The following THAP4 variants were observed in gnomAD, a reference collection of about 807,000 sequenced individuals.
THAP4 encodes peroxynitrite isomerase THAP4.
Under a neutral mutation model 48.1 loss-of-function variants are expected in THAP4, and 18 were observed. The ratio of observed to expected loss-of-function variants is 0.37; its 90% confidence interval spans 0.26 to 0.56. The LOEUF is 0.56. THAP4 is among the 20% of genes least tolerant of loss of function. The pLI is 0.78. For synonymous variants in THAP4, 345 were observed against 324.9 expected (o/e 1.06, Z -0.66); for missense variants, 656 against 774.9 (o/e 0.85, Z 1.82).
chr2:241,597,299 A>C (rs1192396102), intron 5 of THAP4, among the ~76,000 whole-genome samples: 2 of 152,176 alleles, frequency 1.3e-5, no homozygotes, highest in African/African-American at 4.8e-5. Context: ...ACGCCTGGCT[A>C]ATTTTTGTAT....
In THAP4 at chr2:241,633,636, G is replaced by A. The variant is rs953831124; in HGVS notation, c.521C>T (p.Thr174Ile). ...CATGGTGGCCAGTCCATCTCCTGGA[G>A]TCCGTTCCAGAGCTTGCTGGGCCTG... ...QEQAQQALER[T>I]PGDGLATMVA... The change falls in exon 2 of 6, where the codon ACT (threonine) becomes ATT (isoleucine). Residue 174 changes from threonine (T) to isoleucine (I), a missense_variant. Thr to Ile is a moderately conservative substitution (Grantham distance 89). This residue lies in a region of THAP4 where 391 missense variants were observed against 412.4 expected (regional missense o/e 0.95). Transcript: ENST00000407315. The surrounding 1 kb of genome is among the most constrained non-coding windows in gnomAD (Gnocchi z 7.5). 2 of 1,612,756 alleles carry A rather than the reference G, an allele frequency of 1.2e-6. No homozygotes were observed. Among genetic ancestry groups the A allele is most frequent in the Admixed American group, 1.7e-5 (1 of 60,002 alleles).
chr2:241,610,255 C>T lies in THAP4; in HGVS notation c.1241-3782G>A, dbSNP rs1159799039. ...AAGTCCTGCCTCTGCTCCCGGGCGGCCCCCTCCAGCCTCCGCCGGCCCCGC... is the reference window on the plus strand; with the variant it reads ...AAGTCCTGCCTCTGCTCCCGGGCGGTCCCCTCCAGCCTCCGCCGGCCCCGC... On this transcript the variant is annotated intron_variant, in intron 2 of 5. Transcript: ENST00000407315. The surrounding 1 kb of genome is among the most constrained non-coding windows in gnomAD (Gnocchi z 4.2). Among the ~76,000 whole-genome samples, 1 of 152,196 alleles carries T rather than the reference C, an allele frequency of 6.6e-6. No individual in the cohort carries two copies. The highest frequency in any genetic ancestry group is 6.5e-5 in the Admixed American group (1 of 15,278).
upstream of THAP4, chr2:241,637,166 C>T (rs2067685738): frequency 2.0e-6 from 2 of 987,698 alleles, no homozygotes; most frequent in Non-Finnish European, 2.4e-6. Context: ...GATGGAGGCG[C>T]AGGCGCCCGC....
At chr2:241,637,550 C>A (rs1341051129), upstream of THAP4, 10 of 1,475,220 alleles carry the variant, frequency 6.8e-6, no homozygotes, top group Admixed American at 7.5e-5. Flanking sequence ...TCGGCCCGGC[C>A]GTACGCCAAA....
intron 3 of THAP4, among the ~76,000 whole-genome samples, chr2:241,604,933 A>C (rs1266453310): frequency 1.3e-5 from 2 of 152,238 alleles, no homozygotes; most frequent in Non-Finnish European, 2.9e-5. Flanking sequence ...TAACCCCGAC[A>C]AAGAAATACA....
In THAP4 at chr2:241,610,505, A is replaced by G. The variant is rs1014372249; in HGVS notation, c.1241-4032T>C. Reference sequence around the variant, plus strand: ...GTCACAGGGCTCACTCAAGAGCTCCAGCAAGAGCAGAGGCGGGAGCCTCGC... The same window carrying G: ...GTCACAGGGCTCACTCAAGAGCTCCGGCAAGAGCAGAGGCGGGAGCCTCGC... On this transcript the variant is annotated intron_variant, in intron 2 of 5. Transcript: ENST00000407315. This position sits in a 1 kb window ranked among gnomAD's most constrained non-coding sequence, Gnocchi z 4.2. Among the ~76,000 whole-genome samples the G allele has an allele frequency of 3.9e-5, 6 of 152,180 alleles. No homozygotes were observed. The highest frequency in any genetic ancestry group is 1.4e-4 in the African/African-American group (6 of 41,452).
chr2:241,623,706 AT>A (rs1163298802), intron 2 of THAP4, among the ~76,000 whole-genome samples: 1 of 152,212 alleles, frequency 6.6e-6, no homozygotes, highest in African/African-American at 2.4e-5. Context: ...GAGCAGTATC[AT>A]AAACACTTCC....
intron 5 of THAP4, among the ~76,000 whole-genome samples, chr2:241,597,758 G>A (rs1376075362): frequency 6.6e-6 from 1 of 152,146 alleles, no homozygotes; most frequent in Non-Finnish European, 1.5e-5. Context: ...CAGCCCCTCA[G>A]GTTGTGCTTC....
chr2:241,602,935 T>C (rs776582383), intron 4 of THAP4, 35 bp downstream of exon 4: 2 of 1,526,402 alleles, frequency 1.3e-6, no homozygotes, highest in Non-Finnish European at 1.8e-6. Flanking sequence ...CAGCCTCCCA[T>C]GGCCAGCCCT....
rs766067125 is a variant in THAP4 at position 241,633,242 on chromosome 2, G to A, written c.915C>T (p.Ala305=). 6.2e-6 allele frequency: 10 copies of A among 1,609,556 alleles called. No homozygotes were observed. The highest frequency in any genetic ancestry group is 2.7e-5 in the African/African-American group (2 of 74,928). The change falls in exon 2 of 6, where the codon GCC becomes GCT. Residue 305 remains alanine, a synonymous_variant. Coordinates refer to ENST00000407315, the MANE Select transcript of THAP4 (RefSeq NM_015963.6). The surrounding 1 kb of genome is among the most constrained non-coding windows in gnomAD (Gnocchi z 7.5). ...CCGTGGCTGGCTTTGGGGTGACGTCGGCAGGAGGGGCAGAGGGGCTCTGGG... is the reference window on the plus strand; with the variant it reads ...CCGTGGCTGGCTTTGGGGTGACGTCAGCAGGAGGGGCAGAGGGGCTCTGGG... ...KPSQSPSAPP[A]DVTPKPATEA...
intron 5 of THAP4, among the ~76,000 whole-genome samples, chr2:241,587,915 C>CA (rs983562008): frequency 1.4e-4 from 19 of 137,932 alleles, no homozygotes; most frequent in East Asian, 2.2e-4. Flanking sequence ...AACTCCATCT[C>CA]AAAAAAAAAG....
At chr2:241,617,822 T>C (rs574154712) in intron 2 of THAP4, among the ~76,000 whole-genome samples, 18 of 152,298 alleles carry the variant, frequency 1.2e-4, no homozygotes, top group African/African-American at 3.8e-4. Flanking sequence ...ACCCCTGGCA[T>C]GTCCTTTTCT....
At chr2:241,611,979 T>C (rs1281642461) in intron 2 of THAP4, among the ~76,000 whole-genome samples, 1 of 152,164 alleles carries the variant, frequency 6.6e-6, no homozygotes, top group Non-Finnish European at 1.5e-5. Context: ...TACGGTTCAC[T>C]GCGGCCTAGA....
chr2:241,634,163 T>C, intron 1 of THAP4, 84 bp from the exon 2 acceptor site: 1 of 1,068,664 alleles, frequency 9.4e-7, no homozygotes, highest in Non-Finnish European at 1.3e-6. Context: ...AAACAAGTAT[T>C]TTTGCACGCA....
intron 1 of THAP4, 61 bp downstream of exon 1, chr2:241,636,880 G>A: frequency 9.9e-7 from 1 of 1,006,382 alleles, no homozygotes; most frequent in Non-Finnish European, 1.2e-6. Flanking sequence ...CGGCCGCGGG[G>A]CCTCAGTTTC....
intron 4 of THAP4, among the ~76,000 whole-genome samples, 164 bp downstream of exon 4, chr2:241,602,806 C>T (rs2067131310): frequency 6.6e-6 from 1 of 152,222 alleles, no homozygotes; most frequent in African/African-American, 2.4e-5. Context: ...ACACAGTCGG[C>T]CCCGCAGGCT....
chr2:241,620,076 C>CA (rs1559230670), intron 2 of THAP4, among the ~76,000 whole-genome samples: 7 of 16,136 alleles, frequency 4.3e-4, no homozygotes, highest in Non-Finnish European at 3.3e-4. Flanking sequence ...GTGAGTGAGT[C>CA]GTGAGTGAGG....
At chr2:241,597,161 G>A (rs1235390244) in intron 5 of THAP4, among the ~76,000 whole-genome samples, 2 of 151,928 alleles carry the variant, frequency 1.3e-5, no homozygotes, top group South Asian at 4.2e-4. Flanking sequence ...ATGGAATTTC[G>A]CTCTTGTCGC....
chr2:241,625,819 A>AAAAAAAAAAAAG (rs1559233376), intron 2 of THAP4, among the ~76,000 whole-genome samples: 2 of 140,692 alleles, frequency 1.4e-5, no homozygotes, highest in African/African-American at 5.6e-5. Flanking sequence ...AAAAAAAAAA[A>AAAAAAAAAAAAG]AAAAAGAAAA....
Sources: allele counts gnomAD v4.1 joint callset (sites outside exome capture counted in the v4.1 genomes callset), GRCh38; gene constraint gnomAD v4.1.1; regional missense constraint gnomAD v4.1.1; non-coding constraint Gnocchi (gnomAD v3.1); transcripts MANE v1.5; gene names NCBI Gene and HGNC (gene_info 2026-07-23, HGNC 2026-07-21).